The following CFAP70 variants were observed in gnomAD, a reference collection of about 807,000 sequenced individuals.
CFAP70 encodes the protein cilia and flagella associated protein 70, also known as cilia- and flagella-associated protein 70.
Under a neutral mutation model 137.6 loss-of-function variants are expected in CFAP70, and 81 were observed. The ratio of observed to expected loss-of-function variants is 0.59; its 90% confidence interval spans 0.49 to 0.71. The LOEUF (loss-of-function observed/expected upper bound fraction) is 0.71. CFAP70 is among the 30% of genes least tolerant of loss of function. The pLI is 0.00. For synonymous variants in CFAP70, 382 were observed against 423.6 expected (o/e 0.90, Z 1.20); for missense variants, 976 against 1,226.7 (o/e 0.80, Z 3.05).
chr10:73,339,148 A>T (rs2052997835), intron 6 of CFAP70, among the ~76,000 whole-genome samples: 2 of 151,728 alleles, frequency 1.3e-5, no homozygotes, highest in African/African-American at 2.4e-5. Flanking sequence ...CGAACTCCTG[A>T]CCTCAGTGAT....
At chr10:73,267,750 A>G (rs1476751273) in intron 25 of CFAP70, among the ~76,000 whole-genome samples, 1 of 152,240 alleles carries the variant, frequency 6.6e-6, no homozygotes, top group Non-Finnish European at 1.5e-5. Flanking sequence ...TCAAGGTGTC[A>G]TCTATGCTGA....
At chr10:73,325,964 A>C (rs1302282732) in intron 8 of CFAP70, among the ~76,000 whole-genome samples, 1 of 152,190 alleles carries the variant, frequency 6.6e-6, no homozygotes, top group Non-Finnish European at 1.5e-5. Flanking sequence ...CAGGAATTGA[A>C]CTCAGCTCTG....
chr10:73,258,932 C>T (rs2044828487), intron 25 of CFAP70, among the ~76,000 whole-genome samples: 1 of 152,128 alleles, frequency 6.6e-6, no homozygotes, highest in African/African-American at 2.4e-5. Flanking sequence ...TAATGCGTGC[C>T]CAGTGGGACA....
At chr10:73,323,426 A>C (rs953887355) in intron 8 of CFAP70, among the ~76,000 whole-genome samples, 6 of 151,596 alleles carry the variant, frequency 4.0e-5, no homozygotes. Flanking sequence ...CTGCATTTCC[A>C]TCTGAGGTAC....
intron 6 of CFAP70, 26 bp downstream of exon 7, chr10:73,341,373 C>A: frequency 6.4e-7 from 1 of 1,569,106 alleles, no homozygotes; most frequent in Non-Finnish European, 8.6e-7. Flanking sequence ...AAGTTTATCA[C>A]AAAAACCTGT....
chr10:73,359,966 A>G (rs78274245), upstream of CFAP70, among the ~76,000 whole-genome samples: 7,204 of 152,184 alleles, frequency 0.047, 519 homozygotes, highest in African/African-American at 0.16. Flanking sequence ...CTCAGGTTGT[A>G]GACCATCCAA....
intron 16 of CFAP70, among the ~76,000 whole-genome samples, chr10:73,292,331 T>C (rs956861760): frequency 1.3e-5 from 2 of 152,180 alleles, no homozygotes; most frequent in South Asian, 4.1e-4. Context: ...CAACCATATA[T>C]AATAATTTCT....
At chr10:73,338,856 T>C (rs541146855) in intron 6 of CFAP70, among the ~76,000 whole-genome samples, 1 of 151,952 alleles carries the variant, frequency 6.6e-6, no homozygotes, top group Non-Finnish European at 1.5e-5. Flanking sequence ...GACTTGAGTA[T>C]GCACGAATTT....
chr10:73,306,334 C>A (rs2049372949), intron 12 of CFAP70, among the ~76,000 whole-genome samples: 1 of 152,010 alleles, frequency 6.6e-6, no homozygotes, highest in Admixed American at 6.6e-5. Context: ...TATGAATTGA[C>A]ACATCCAAGA....
Position 73,353,621 on chromosome 10 carries a change from C to CT in CFAP70, c.184dup (p.Ser62LysfsTer4), listed in dbSNP as rs1243882135. The CT allele has an allele frequency of 6.2e-7, 1 of 1,614,064 alleles. No homozygotes were observed. The highest frequency in any genetic ancestry group is 8.5e-7 in the Non-Finnish European group (1 of 1,180,036). Reference sequence around the variant, plus strand: ...TCCTTCAGGATTAAACTCAAAACTGCTAGTGAAGTTGTATTTTGCACTTCC... The same window carrying CT: ...TCCTTCAGGATTAAACTCAAAACTGCTTAGTGAAGTTGTATTTTGCACTTCC... On this transcript the variant is annotated frameshift_variant, in exon 3 of 27. Coordinates refer to ENST00000310715, the Ensembl canonical transcript of CFAP70. LOFTEE classifies it high-confidence loss of function.
At chr10:73,256,378 G>A (rs1324765696) in exon 26 of CFAP70, 2 of 1,614,112 alleles carry the variant, frequency 1.2e-6, no homozygotes, top group Non-Finnish European at 1.7e-6. Context: ...CCTTGATCAT[G>A]TACTTGTAGG....
chr10:73,354,327 C>T (rs1244374510), intron 2 of CFAP70, among the ~76,000 whole-genome samples: 1 of 152,104 alleles, frequency 6.6e-6, no homozygotes, highest in Non-Finnish European at 1.5e-5. Flanking sequence ...TCTTTTTAAA[C>T]TTAATATACT....
At chr10:73,253,841 G>A (rs987652114) in exon 27 of CFAP70, 8 of 610,776 alleles carry the variant, frequency 1.3e-5, no homozygotes, top group Non-Finnish European at 2.1e-5. Context: ...CACAGCCAAT[G>A]GAAATAAATG....
intron 20 of CFAP70, 39 bp from the exon 22 acceptor site, chr10:73,277,400 A>C (rs758588214): frequency 5.2e-5 from 84 of 1,603,272 alleles, no homozygotes; most frequent in Non-Finnish European, 6.7e-5. Flanking sequence ...GATTGGATAT[A>C]ACAGAAAAAG....
intron 19 of CFAP70, among the ~76,000 whole-genome samples, chr10:73,279,432 G>A (rs934468855): frequency 2.6e-5 from 4 of 151,782 alleles, no homozygotes; most frequent in Non-Finnish European, 5.9e-5. Context: ...GCTGAGGCAG[G>A]AGAATGGCGT....
intron 14 of CFAP70, among the ~76,000 whole-genome samples, chr10:73,297,900 A>C (rs935306581): frequency 2.0e-5 from 3 of 152,240 alleles, no homozygotes; most frequent in African/African-American, 7.2e-5. Flanking sequence ...TCACGTTTCA[A>C]GGTCACCCAA....
intron 6 of CFAP70, among the ~76,000 whole-genome samples, chr10:73,340,023 C>T (rs937101091): frequency 9.2e-5 from 14 of 152,300 alleles, no homozygotes; most frequent in Non-Finnish European, 1.6e-4. Flanking sequence ...CACAGACAAG[C>T]GGAGGGTGAG....
intron 25 of CFAP70, among the ~76,000 whole-genome samples, chr10:73,261,422 C>T (rs980202333): frequency 5.9e-5 from 9 of 152,148 alleles, no homozygotes; most frequent in Non-Finnish European, 1.3e-4. Context: ...CCAAGTGGCT[C>T]GCGAGGCCTC....
At chr10:73,324,151 G>T (rs1028333811) in intron 8 of CFAP70, among the ~76,000 whole-genome samples, 1 of 152,166 alleles carries the variant, frequency 6.6e-6, no homozygotes, top group African/African-American at 2.4e-5. Context: ...CCAGAGGAAC[G>T]ATCAGACAGC....
Sources: allele counts gnomAD v4.1 joint callset (sites outside exome capture counted in the v4.1 genomes callset), GRCh38; gene constraint gnomAD v4.1.1; transcripts MANE v1.5; gene names NCBI Gene and HGNC (gene_info 2026-07-23, HGNC 2026-07-21).